NEGR1: variants seen among roughly 807,000 people sequenced by gnomAD.
NEGR1 encodes IgLON family member 4.
In NEGR1, 10 loss-of-function variants were observed where a neutral mutation model predicts 40.9. That is an observed-to-expected ratio of 0.24 (90% CI 0.15 to 0.42). NEGR1 has a LOEUF of 0.42. Ranked by LOEUF, NEGR1 falls within the 10% of genes least tolerant of loss-of-function variation. NEGR1 has a pLI of 1.00. For synonymous variants in NEGR1, 185 were observed against 166.8 expected (o/e 1.11, Z -0.84); for missense variants, 352 against 438.9 (o/e 0.80, Z 1.77).
At chr1:72,018,862 G>A (rs564639058) in intron 1 of NEGR1, among the ~76,000 whole-genome samples, 13 of 152,210 alleles carry the variant, frequency 8.5e-5, no homozygotes, top group African/African-American at 3.1e-4. Flanking sequence ...GGACATTGGG[G>A]AAATGTTGGC....
intron 2 of NEGR1, among the ~76,000 whole-genome samples, chr1:71,853,812 G>C (rs1659683233): frequency 6.6e-6 from 1 of 152,080 alleles, no homozygotes; most frequent in Non-Finnish European, 1.5e-5. Context: ...CTGTTATTTG[G>C]ACAGGATTAC....
intron 4 of NEGR1, among the ~76,000 whole-genome samples, chr1:71,695,276 G>C (rs1274196929): frequency 6.6e-6 from 1 of 151,644 alleles, no homozygotes; most frequent in East Asian, 1.9e-4. Context: ...GTTTTTCATG[G>C]AACATTTGGA....
intron 1 of NEGR1, among the ~76,000 whole-genome samples, chr1:72,197,126 T>C (rs1437302418): frequency 2.0e-5 from 3 of 152,136 alleles, no homozygotes; most frequent in South Asian, 2.1e-4. Context: ...CATGGATTTT[T>C]ATGTTCCACT....
chr1:72,259,938 G>A (rs1655402083), intron 1 of NEGR1, among the ~76,000 whole-genome samples: 1 of 151,924 alleles, frequency 6.6e-6, no homozygotes, highest in Non-Finnish European at 1.5e-5. Flanking sequence ...TTTATCAGAT[G>A]ATTTTTGTTG....
intron 6 of NEGR1, among the ~76,000 whole-genome samples, chr1:71,531,186 TA>T (rs1416751612): frequency 6.6e-6 from 1 of 151,294 alleles, no homozygotes; most frequent in Non-Finnish European, 1.5e-5. Context: ...CTATTCCCAA[TA>T]AAACCTTTTC....
At chr1:72,141,106 G>T (rs1650661316) in intron 1 of NEGR1, among the ~76,000 whole-genome samples, 1 of 151,906 alleles carries the variant, frequency 6.6e-6, no homozygotes, top group Admixed American at 6.6e-5. Context: ...ATTAAGAATG[G>T]TATATGAGAA....
chr1:72,223,529 T>C (rs1458010316), intron 1 of NEGR1, among the ~76,000 whole-genome samples: 4 of 152,214 alleles, frequency 2.6e-5, no homozygotes, highest in Admixed American at 6.5e-5. Context: ...AAGTATGCTG[T>C]TTAAGTGGCC....
At chr1:72,162,272 T>C (rs183942658) in intron 1 of NEGR1, among the ~76,000 whole-genome samples, 271 of 121,854 alleles carry the variant, frequency 2.2e-3, no homozygotes, top group African/African-American at 8.9e-3. Context: ...GCCAACACAG[T>C]GAAACCCTGC....
intron 6 of NEGR1, among the ~76,000 whole-genome samples, chr1:71,475,829 T>A (rs1378367388): frequency 6.6e-6 from 1 of 152,032 alleles, no homozygotes; most frequent in Non-Finnish European, 1.5e-5. Context: ...CTTACTTAAT[T>A]TATATTCTAA....
Position 71,999,682 on chromosome 1 carries a change from T to TATATATATAC in NEGR1, c.177-64372_177-64371insGTATATATAT, listed in dbSNP as rs1317765700. 2.2e-3 allele frequency among the ~76,000 whole-genome samples: 205 copies of TATATATATAC among 91,656 alleles called. 12 individuals are homozygous for TATATATATAC. The highest frequency in any genetic ancestry group is 4.1e-3 in the Admixed American group (31 of 7,602). 60.1% of individuals were successfully genotyped at this position (91,656 alleles called of 152,430 possible). A position where few individuals can be genotyped will look rare whatever the true frequency, so the allele number is the denominator to read the frequency against. On this transcript the variant is annotated intron_variant, in intron 1 of 6. Transcript: ENST00000357731. ...ATATATATATATATATATATATACATACATATTTTTGTCCGGTCTCGGAGC... is the reference window on the plus strand; with the variant it reads ...ATATATATATATATATATATATACATATATATATACACATATTTTTGTCCGGTCTCGGAGC...
At chr1:72,220,235 C>T (rs1653966849) in intron 1 of NEGR1, among the ~76,000 whole-genome samples, 1 of 151,506 alleles carries the variant, frequency 6.6e-6, no homozygotes, top group African/African-American at 2.4e-5. Context: ...CCTACTCTAC[C>T]CAGCTGAATT....
At chr1:71,539,839 A>T (rs1014219442) in intron 6 of NEGR1, among the ~76,000 whole-genome samples, 5 of 151,772 alleles carry the variant, frequency 3.3e-5, no homozygotes, top group Non-Finnish European at 7.4e-5. Context: ...AAAAAGAAGT[A>T]CTGATAACAA....
intron 3 of NEGR1, among the ~76,000 whole-genome samples, chr1:71,739,179 A>G (rs943752072): frequency 2.0e-5 from 3 of 146,866 alleles, no homozygotes; most frequent in African/African-American, 7.8e-5. Flanking sequence ...CTGCCTGTGC[A>G]GCCAGAAAAA....
At chr1:71,561,616 A>AAT (rs1648461110) in intron 6 of NEGR1, among the ~76,000 whole-genome samples, 1 of 151,750 alleles carries the variant, frequency 6.6e-6, no homozygotes, top group Admixed American at 6.6e-5. Context: ...CTGAAATAGA[A>AAT]ATGTTTAGGG....
chr1:71,560,429 T>TTCTATATATATATATATA (rs1553150203), intron 6 of NEGR1, among the ~76,000 whole-genome samples: 1 of 114,266 alleles, frequency 8.8e-6, no homozygotes, highest in Non-Finnish European at 1.8e-5. Flanking sequence ...TAATTCTCCA[T>TTCTATATATATATATATA]TATATATATA....
intron 1 of NEGR1, among the ~76,000 whole-genome samples, chr1:72,135,317 A>G (rs1650411036): frequency 1.4e-5 from 2 of 140,816 alleles, no homozygotes; most frequent in South Asian, 2.5e-4. Context: ...CGGAGCTTGC[A>G]GTGAGCCGAG....
At chr1:72,097,941 C>T (rs1648772826) in intron 1 of NEGR1, among the ~76,000 whole-genome samples, 1 of 152,144 alleles carries the variant, frequency 6.6e-6, no homozygotes, top group African/African-American at 2.4e-5. Context: ...TTTCTGTGTG[C>T]CCTTTGCATT....
In NEGR1 at chr1:72,142,592, A is replaced by T. The variant is rs545862824; in HGVS notation, c.176+139727T>A. On this transcript the variant is annotated intron_variant, in intron 1 of 6. Transcript: ENST00000357731. ...ACAGATAGTGATAGAACATAATATC[A>T]CTATGTAGTATAAACATACCCTCAT... 7.9e-5 allele frequency among the ~76,000 whole-genome samples: 12 copies of T among 151,846 alleles called. 1 individual carries two copies. In the South Asian group the frequency reaches 2.5e-3, roughly 32 times the overall value.
Position 71,877,588 on chromosome 1 carries a change from G to A in NEGR1, c.409+57491C>T, listed in dbSNP as rs574112433. ...ATTATCTTTTTAAAGATGGTGTCTC[G>A]AAAATACAGTTACATCCTGAGGTAC... On this transcript the variant is annotated intron_variant, in intron 2 of 6. Transcript: ENST00000357731. 3.9e-5 allele frequency among the ~76,000 whole-genome samples: 6 copies of A among 152,078 alleles called. No individual in the cohort carries two copies. In the South Asian group the frequency reaches 8.3e-4, roughly 21 times the overall value.
Sources: gnomAD v4.1 joint callset for allele counts (sites outside exome capture counted in the v4.1 genomes callset) on GRCh38, gnomAD v4.1.1 for gene constraint, MANE v1.5 for transcripts, NCBI Gene and HGNC (gene_info 2026-07-23, HGNC 2026-07-21) for gene names.